PNPLA7: variants seen among roughly 807,000 people sequenced by gnomAD.
The protein encoded by PNPLA7 is patatin-like phospholipase domain-containing protein 7.
Under a neutral mutation model 161.7 loss-of-function variants are expected in PNPLA7, and 153 were observed. The ratio of observed to expected loss-of-function variants is 0.95; its 90% CI spans 0.83 to 1.08. PNPLA7 has a LOEUF of 1.08. Ranked by LOEUF, PNPLA7 falls within the 50% of genes least tolerant of loss-of-function variation. The pLI, the probability that PNPLA7 is intolerant of heterozygous loss-of-function variation, is 0.00. For synonymous variants in PNPLA7, 809 were observed against 782.1 expected (o/e 1.03, Z -0.57); for missense variants, 1,739 against 1,856.6 (o/e 0.94, Z 1.16).
chr9:137,475,933 C>T lies in PNPLA7; in HGVS notation c.2882+2101G>A, dbSNP rs530320037. Among the ~76,000 whole-genome samples the T allele has an allele frequency of 5.3e-5, 8 of 152,216 alleles. No homozygotes were observed. In the East Asian group the frequency reaches 5.8e-4, roughly 11 times the overall value. ...GTCTTAAAATGTTTACTTCCCCATG[C>T]GTCTTCTCCTAGGGAGATTTCTAGA... On this transcript the variant is annotated intron_variant, in intron 25 of 34. Transcript: ENST00000406427.
chr9:137,541,483 T>C lies in PNPLA7; in HGVS notation c.667-761A>G, dbSNP rs1836199640. On this transcript the variant is annotated intron_variant, in intron 7 of 34. Transcript: ENST00000406427. This position sits in a 1 kb window ranked among gnomAD's most constrained non-coding sequence, Gnocchi z 4.4. ...AAACCCCGACAGGCAGTGCCGGAGC[T>C]GGCGTGGGATCACAGCCCACTCCCG... 2 of 985,444 alleles carry C rather than the reference T, an allele frequency of 2.0e-6. No individual in the cohort carries two copies. Among genetic ancestry groups the C allele is most frequent in the Non-Finnish European group, 2.4e-6 (2 of 829,924 alleles). 61.0% of individuals were successfully genotyped at this position (985,444 alleles called of 1,614,324 possible).
chr9:137,520,906 A>AC lies in PNPLA7; in HGVS notation c.957+729dup, dbSNP rs1445844112. 2.0e-5 allele frequency among the ~76,000 whole-genome samples: 3 copies of AC among 152,120 alleles called. No individual in the cohort carries two copies. The highest frequency in any genetic ancestry group is 6.5e-5 in the Admixed American group (1 of 15,274). On this transcript the variant is annotated intron_variant, in intron 10 of 34. Transcript: ENST00000406427. The surrounding 1 kb of genome is among the most constrained non-coding windows in gnomAD (Gnocchi z 5.2). ...CACACAGGGAGTGCTGGCAACAGGGACCCCATGGGACGGGCATGGGGAGGG... is the reference window on the plus strand; with the variant it reads ...CACACAGGGAGTGCTGGCAACAGGGACCCCCATGGGACGGGCATGGGGAGGG...
intron 22 of PNPLA7, 183 bp from the exon 23 acceptor site, chr9:137,480,663 G>T: frequency 1.3e-6 from 1 of 770,642 alleles, no homozygotes; most frequent in Non-Finnish European, 2.0e-6. Flanking sequence ...TCACGCAGAG[G>T]CTGCAGTTAA....
chr9:137,495,647 T>C (rs1467027691), intron 18 of PNPLA7, among the ~76,000 whole-genome samples: 1 of 152,166 alleles, frequency 6.6e-6, no homozygotes, highest in Non-Finnish European at 1.5e-5. Flanking sequence ...GGTTTCACCA[T>C]GTTAGCCAGG....
rs1481701073 is a variant in PNPLA7, at chr9:137,520,449, T to A, written c.958-406A>T. Among the ~76,000 whole-genome samples the A allele has an allele frequency of 6.6e-6, 1 of 152,188 alleles. No individual in the cohort carries two copies. The highest frequency in any genetic ancestry group is 2.4e-5 in the African/African-American group (1 of 41,452). ...TAATACTCTTCATTAAAACAAAAGA[T>A]AATGTAGAAAACAAAAAGATATTCC... On this transcript the variant is annotated intron_variant, in intron 10 of 34. Transcript: ENST00000406427. The surrounding 1 kb of genome is among the most constrained non-coding windows in gnomAD (Gnocchi z 5.2).
chr9:137,502,124 C>T (rs753179491), intron 14 of PNPLA7, among the ~76,000 whole-genome samples: 79 of 152,284 alleles, frequency 5.2e-4, no homozygotes, highest in Admixed American at 8.5e-4. Flanking sequence ...CTCCAGGGCA[C>T]GAGGACTCTG....
intron 11 of PNPLA7, among the ~76,000 whole-genome samples, chr9:137,516,958 C>T (rs139663472): frequency 6.6e-6 from 1 of 151,812 alleles, no homozygotes; most frequent in African/African-American, 2.4e-5. Flanking sequence ...AGGAGTAACA[C>T]CACTCTGCTC....
At position 137,476,866 on chromosome 9, in the gene PNPLA7, G is replaced by T. The variant is rs1831961516; in HGVS notation, c.2882+1168C>A. Among the ~76,000 whole-genome samples, 1 of 152,228 alleles carries T rather than the reference G, an allele frequency of 6.6e-6. No homozygotes were observed. The highest frequency in any genetic ancestry group is 2.4e-5 in the African/African-American group (1 of 41,464). On this transcript the variant is annotated intron_variant, in intron 25 of 34. Coordinates refer to ENST00000406427, the MANE Select transcript of PNPLA7 (RefSeq NM_001098537.3). This position sits in a 1 kb window ranked among gnomAD's most constrained non-coding sequence, Gnocchi z 4.5. ...TTCCGCAGCTTTCAAGAGAAAATGT[G>T]GCACAAGACAAGGTGGAAAGTCCCT...
rs1284632248 is a variant in PNPLA7 at position 137,486,865 on chromosome 9, C to G, written c.2198-2129G>C. ...GCCAGAGTCTGCAGCCTCAGCCCAT[C>G]TGCGGTCCCTGAGAGCTGCTGGTGA... On this transcript the variant is annotated intron_variant, in intron 20 of 34. Coordinates refer to ENST00000406427, the MANE Select transcript of PNPLA7 (RefSeq NM_001098537.3). The surrounding 1 kb of genome is among the most constrained non-coding windows in gnomAD (Gnocchi z 6.0). Among the ~76,000 whole-genome samples, 1 of 152,166 alleles carries G rather than the reference C, an allele frequency of 6.6e-6. No individual in the cohort carries two copies. Among genetic ancestry groups the G allele is most frequent in the Non-Finnish European group, 1.5e-5 (1 of 68,018 alleles).
chr9:137,461,850 C>A, intron 32 of PNPLA7, 81 bp downstream of exon 32: 1 of 1,413,306 alleles, frequency 7.1e-7, no homozygotes, highest in Non-Finnish European at 9.4e-7. Flanking sequence ...TGGGCGTGGC[C>A]TGATGAACTG....
chr9:137,462,557 G>A (rs1831268335), intron 30 of PNPLA7, 128 bp downstream of exon 30: 2 of 1,425,380 alleles, frequency 1.4e-6, no homozygotes, highest in African/African-American at 1.4e-5. Context: ...GGCAGGGGTG[G>A]TGAGGGGTGG....
At chr9:137,542,575 C>G in intron 7 of PNPLA7, 67 bp downstream of exon 7, 1 of 1,410,216 alleles carries the variant, frequency 7.1e-7, no homozygotes, top group South Asian at 1.6e-5. Flanking sequence ...CGTTTTACAG[C>G]CCGAGAAGAC....
rs146762485 is a variant in PNPLA7 at position 137,478,809 on chromosome 9, G to A, written c.2763+247C>T. ...TGATTCAGGCCCATCCCCGGGGTTC[G>A]CTGAGCCCCCAGCCCGATGGCCGCC... is the stretch of plus-strand genomic sequence containing the variant. On this transcript the variant is annotated intron_variant, in intron 24 of 34. Coordinates refer to ENST00000406427, the MANE Select transcript of PNPLA7 (RefSeq NM_001098537.3). 1.7e-3 allele frequency: 798 copies of A among 469,022 alleles called. 1 individual carries two copies. The highest frequency in any genetic ancestry group is 7.7e-3 in the Middle Eastern group (13 of 1,682). 29.1% of individuals were successfully genotyped at this position (469,022 alleles called of 1,614,324 possible). A position where few individuals can be genotyped will look rare whatever the true frequency, so the allele number is the denominator to read the frequency against.
rs555071959 is a variant in PNPLA7, at chr9:137,477,734, G to A, written c.2882+300C>T. Among the ~76,000 whole-genome samples the A allele has an allele frequency of 1.6e-4, 25 of 152,282 alleles. 1 individual carries two copies. In the South Asian group the frequency reaches 4.4e-3, roughly 27 times the overall value. On this transcript the variant is annotated intron_variant, in intron 25 of 34. Coordinates refer to ENST00000406427, the MANE Select transcript of PNPLA7 (RefSeq NM_001098537.3). ...CTGGGATTACAGGCGTGACCCACGC[G>A]CCCGGCCCAAGCAACCACTTCTAAG...
chr9:137,522,470 G>T (rs545679236), intron 9 of PNPLA7, among the ~76,000 whole-genome samples: 1 of 152,328 alleles, frequency 6.6e-6, no homozygotes, highest in Non-Finnish European at 1.5e-5. Flanking sequence ...GGTTACAGGC[G>T]TGAGCCGCCG....
In PNPLA7 at chr9:137,521,617, T is replaced by C. The variant is rs550682882; in HGVS notation, c.957+19A>G. 7 of 1,610,968 alleles carry C rather than the reference T, an allele frequency of 4.3e-6. No individual in the cohort carries two copies. The highest frequency in any genetic ancestry group is 5.9e-6 in the Non-Finnish European group (7 of 1,179,164). ...CTGCATGGAGCAGCATGGGGCTTTGTGAGGTGGTTTTCACTTACAGCGTTG... is the reference window on the plus strand; with the variant it reads ...CTGCATGGAGCAGCATGGGGCTTTGCGAGGTGGTTTTCACTTACAGCGTTG... On this transcript the variant is annotated intron_variant, in intron 10 of 34. Coordinates refer to ENST00000406427, the MANE Select transcript of PNPLA7 (RefSeq NM_001098537.3).
chr9:137,488,733 C>T (rs1483895312), intron 20 of PNPLA7, among the ~76,000 whole-genome samples: 2 of 138,762 alleles, frequency 1.4e-5, no homozygotes, highest in Admixed American at 7.1e-5. Context: ...CAACTGTGCA[C>T]CCCCCGACCA....
At chr9:137,548,665 G>A (rs1247019114) in intron 1 of PNPLA7, among the ~76,000 whole-genome samples, 11 of 152,134 alleles carry the variant, frequency 7.2e-5, no homozygotes, top group Admixed American at 3.3e-4. Flanking sequence ...GGAGAATGGC[G>A]TGAACCCGGG....
rs747391094 is a variant in PNPLA7 at position 137,495,098 on chromosome 9, G to T, written c.2062C>A (p.Arg688=). 1.1e-4 allele frequency: 179 copies of T among 1,608,856 alleles called. No homozygotes were observed. The highest frequency in any genetic ancestry group is 1.5e-4 in the Non-Finnish European group (177 of 1,179,430). Residue 688 remains arginine (R), a synonymous_variant, in exon 19 of 35, where the codon CGG becomes AGG. Coordinates refer to ENST00000406427, the MANE Select transcript of PNPLA7 (RefSeq NM_001098537.3). ...QARATTVHAV[R]DSELAKLPAG... ...GGCAGCTTGGCCAATTCTGAGTCCC[G>T]AACGGCATGCACCGTGGTCGCCCGG...
Sources: allele counts gnomAD v4.1 joint callset (sites outside exome capture counted in the v4.1 genomes callset), GRCh38; gene constraint gnomAD v4.1.1; non-coding constraint Gnocchi (gnomAD v3.1); transcripts MANE v1.5; gene names NCBI Gene and HGNC (gene_info 2026-07-23, HGNC 2026-07-21).